Variants in NCOA3 observed in about 807,000 individuals in gnomAD.
The protein encoded by NCOA3 is CBP-interacting protein.
Under a neutral mutation model 158.8 loss-of-function variants are expected in NCOA3, and 51 were observed. The ratio of observed to expected loss-of-function variants is 0.32; its 90% CI spans 0.26 to 0.41. NCOA3 has a LOEUF of 0.41. Among genes scored for constraint, NCOA3 ranks in the 10% least tolerant of loss-of-function variants. NCOA3 has a pLI of 1.00. For missense variants in NCOA3, 1,510 were observed against 1,746.6 expected, an observed-to-expected ratio of 0.86 and a Z score of 2.41; for synonymous variants, 537 against 592.4, an observed-to-expected ratio of 0.91 and a Z score of 1.36.
At chr20:47,567,012 CTATGTATGTATGTATGTATG>C (rs71183264) in intron 1 of NCOA3, among the ~76,000 whole-genome samples, 15 of 145,346 alleles carry the variant, frequency 1.0e-4, no homozygotes, top group East Asian at 4.1e-4. Flanking sequence ...TGGTATAGTA[CTATGTATGTATGTATGTATG>C]TATGTATGTA....
At chr20:47,530,519 G>T (rs901383390) in intron 1 of NCOA3, among the ~76,000 whole-genome samples, 1 of 144,742 alleles carries the variant, frequency 6.9e-6, no homozygotes, top group Non-Finnish European at 1.5e-5. Context: ...CTGTAGGGCC[G>T]TGGCACGATC....
intron 1 of NCOA3, among the ~76,000 whole-genome samples, chr20:47,558,232 ATTTTTTTTTTTTTT>A (rs71183263): frequency 1.8e-5 from 1 of 55,536 alleles, no homozygotes; most frequent in Non-Finnish European, 3.4e-5. Context: ...CTAATTTTGT[ATTTTTTTTTTTTTT>A]TTTTTTTTTT....
At chr20:47,566,702 G>A (rs1168485261) in intron 1 of NCOA3, among the ~76,000 whole-genome samples, 1 of 152,038 alleles carries the variant, frequency 6.6e-6, no homozygotes, top group Non-Finnish European at 1.5e-5. Flanking sequence ...TGCAGAGACA[G>A]GTTTTGCCGT....
chr20:47,597,408 C>T (rs962056333), intron 2 of NCOA3, among the ~76,000 whole-genome samples: 1 of 150,162 alleles, frequency 6.7e-6, no homozygotes, highest in Non-Finnish European at 1.5e-5. Context: ...TCTCCCACTC[C>T]TATGTTTGGT....
At position 47,625,483 on chromosome 20, in the gene NCOA3, CAA is replaced by C. The variant is rs750751563; in HGVS notation, c.357+3_357+4del. 6.3e-7 allele frequency: 1 copy of C among 1,588,670 alleles called. No individual in the cohort carries two copies. Among genetic ancestry groups the C allele is most frequent in the African/African-American group, 1.3e-5 (1 of 74,376 alleles). On this transcript the variant is annotated splice_donor_region_variant and intron_variant, in intron 5 of 22. Coordinates refer to ENST00000371998, the MANE Select transcript of NCOA3 (RefSeq NM_181659.3). ...TCCTTAGGACCGCTTTTACTTCAGG[CAA>C]GTATAAAGATTTTAACTGTCCAGTA...
chr20:47,597,884 G>A (rs62201667), intron 2 of NCOA3, among the ~76,000 whole-genome samples: 4 of 151,620 alleles, frequency 2.6e-5, no homozygotes, highest in Non-Finnish European at 5.9e-5. Flanking sequence ...ATTAGAGCCC[G>A]TTAACATATT....
At chr20:47,580,419 G>A (rs2085433211) in intron 1 of NCOA3, among the ~76,000 whole-genome samples, 1 of 152,054 alleles carries the variant, frequency 6.6e-6, no homozygotes, top group Non-Finnish European at 1.5e-5. Context: ...AGCTGGGCAT[G>A]GTGGCATGCA....
chr20:47,600,815 A>G, intron 2 of NCOA3, among the ~76,000 whole-genome samples: 1 of 98,498 alleles, frequency 1.0e-5, no homozygotes, highest in Admixed American at 9.8e-5. Context: ...TGTCCCTGGC[A>G]AAAAAAAAAA....
chr20:47,581,031 G>A (rs2085444148), intron 1 of NCOA3, among the ~76,000 whole-genome samples: 1 of 152,040 alleles, frequency 6.6e-6, no homozygotes, highest in South Asian at 2.1e-4. Flanking sequence ...AGCCTCGGAG[G>A]TCGAGGCTGA....
At chr20:47,613,532 A>G (rs986978963) in intron 2 of NCOA3, among the ~76,000 whole-genome samples, 1 of 151,532 alleles carries the variant, frequency 6.6e-6, no homozygotes, top group Non-Finnish European at 1.5e-5. Context: ...ACTTTATCCT[A>G]CAAAACATAA....
At chr20:47,525,216 C>T (rs1170695913) in intron 1 of NCOA3, among the ~76,000 whole-genome samples, 26 of 150,162 alleles carry the variant, frequency 1.7e-4, no homozygotes, top group African/African-American at 4.9e-4. Flanking sequence ...CCTGAGTGGA[C>T]ACAGCACATG....
chr20:47,591,647 A>G (rs1400150294), intron 2 of NCOA3, among the ~76,000 whole-genome samples: 3 of 151,134 alleles, frequency 2.0e-5, no homozygotes, highest in African/African-American at 4.9e-5. Flanking sequence ...ATTTCACCCT[A>G]TTTTTGAAGG....
At chr20:47,523,075 A>T (rs2084371801) in intron 1 of NCOA3, among the ~76,000 whole-genome samples, 1 of 151,278 alleles carries the variant, frequency 6.6e-6, no homozygotes, top group Admixed American at 6.6e-5. Flanking sequence ...AGTCCCAGCT[A>T]CTCCGGAGGC....
In NCOA3 at chr20:47,526,660, C is replaced by G. The variant is rs61053974; in HGVS notation, c.-99+24641C>G. Among the ~76,000 whole-genome samples the G allele has an allele frequency of 1.9e-3, 282 of 152,324 alleles. 2 individuals are homozygous for G. The highest frequency in any genetic ancestry group is 6.4e-3 in the African/African-American group (268 of 41,574). ...CCTGCAATCGCAGGCACTTGGCAAG[C>G]TGAGGCAGGAGAATCAGGCAGGGAG... On this transcript the variant is annotated intron_variant, in intron 1 of 22. Transcript: ENST00000371998.
intron 1 of NCOA3, among the ~76,000 whole-genome samples, chr20:47,562,891 G>A (rs1218411746): frequency 6.6e-6 from 1 of 151,882 alleles, no homozygotes; most frequent in Non-Finnish European, 1.5e-5. Context: ...TATTTTAGAG[G>A]CTACTTTTAT....
At chr20:47,565,543 C>T (rs1256971382) in intron 1 of NCOA3, among the ~76,000 whole-genome samples, 2 of 152,140 alleles carry the variant, frequency 1.3e-5, no homozygotes, top group African/African-American at 4.8e-5. Context: ...TGGTGAAACT[C>T]TGTCTCTACT....
intron 2 of NCOA3, among the ~76,000 whole-genome samples, chr20:47,586,831 G>A (rs1418305057): frequency 2.0e-5 from 3 of 152,182 alleles, no homozygotes; most frequent in Non-Finnish European, 4.4e-5. Flanking sequence ...ATTCTTGGCA[G>A]GAATACTGCA....
In NCOA3 at chr20:47,613,880, T is replaced by C. The variant is rs537638862; in HGVS notation, c.-19-8349T>C. On this transcript the variant is annotated intron_variant, in intron 2 of 22. Transcript: ENST00000371998. ...GAGATTGCGCTACTGCACTCTAGCC[T>C]GGGCGACAGAGCAAGACTCTGTCTT... is the stretch of plus-strand genomic sequence containing the variant. Among the ~76,000 whole-genome samples, 17 of 151,394 alleles carry C rather than the reference T, an allele frequency of 1.1e-4. No individual in the cohort carries two copies. The South Asian group carries it at 3.3e-3, about 30-fold the overall frequency.
At chr20:47,629,229 A>G (rs1057493726) in intron 8 of NCOA3, among the ~76,000 whole-genome samples, 1 of 152,210 alleles carries the variant, frequency 6.6e-6, no homozygotes, top group Non-Finnish European at 1.5e-5. Context: ...TGCCATCAGT[A>G]ACCTATCTTC....
Sources: gnomAD v4.1 joint callset for allele counts (sites outside exome capture counted in the v4.1 genomes callset) on GRCh38, gnomAD v4.1.1 for gene constraint, MANE v1.5 for transcripts, NCBI Gene and HGNC (gene_info 2026-07-23, HGNC 2026-07-21) for gene names.